Variants in LRP1B observed in about 807,000 individuals in gnomAD.
LRP1B encodes the protein LDL receptor related protein 1B.
Under a neutral mutation model 556.6 loss-of-function variants are expected in LRP1B, and 217 were observed. That is an observed-to-expected ratio of 0.39 (90% CI 0.35 to 0.44). The LOEUF (loss-of-function observed/expected upper bound fraction) is 0.44, where lower values mean the gene tolerates loss of function less well. Ranked by LOEUF, LRP1B falls within the 20% of genes least tolerant of loss-of-function variation. The pLI is 1.00. For missense variants in LRP1B, 5,053 were observed against 5,620.8 expected (o/e 0.90, Z 3.23); for synonymous variants, 2,047 against 1,865.8 (o/e 1.10, Z -2.50).
chr2:140,752,657 A>G (rs1688622524), intron 35 of LRP1B, among the ~76,000 whole-genome samples: 1 of 152,192 alleles, frequency 6.6e-6, no homozygotes, highest in Non-Finnish European at 1.5e-5. Context: ...GTATCTTTAT[A>G]TATGTATTTG....
intron 1 of LRP1B, among the ~76,000 whole-genome samples, chr2:142,029,622 T>C (rs1703618619): frequency 6.6e-6 from 1 of 151,914 alleles, no homozygotes; most frequent in Non-Finnish European, 1.5e-5. Context: ...ATCTGTCTCT[T>C]ATTCCAGAGC....
At chr2:140,491,827 G>A (rs755369716) in intron 57 of LRP1B, among the ~76,000 whole-genome samples, 12 of 152,116 alleles carry the variant, frequency 7.9e-5, no homozygotes, top group Non-Finnish European at 1.3e-4. Context: ...AAGAAGTAGT[G>A]TGATATGGTG....
At chr2:142,101,281 TA>T (rs1384202507) in intron 1 of LRP1B, among the ~76,000 whole-genome samples, 1 of 151,888 alleles carries the variant, frequency 6.6e-6, no homozygotes, top group African/African-American at 2.4e-5. Flanking sequence ...ATTCACATAG[TA>T]AAAAAAGTTA....
At chr2:141,482,497 CAT>C (rs938193736) in intron 2 of LRP1B, among the ~76,000 whole-genome samples, 7 of 151,726 alleles carry the variant, frequency 4.6e-5, no homozygotes, top group East Asian at 1.9e-4. Flanking sequence ...TCTTTATTTC[CAT>C]ATATATATGT....
chr2:141,740,075 T>C (rs112602664), intron 2 of LRP1B, among the ~76,000 whole-genome samples: 14 of 152,258 alleles, frequency 9.2e-5, no homozygotes, highest in African/African-American at 3.4e-4. Flanking sequence ...GAGGGAATTT[T>C]AGCTACTCAA....
chr2:140,701,675 A>AAT (rs1298304043), intron 40 of LRP1B, 46 bp downstream of exon 40: 4 of 1,538,558 alleles, frequency 2.6e-6, no homozygotes, highest in African/African-American at 1.4e-5. Context: ...ATTGGAGAGA[A>AAT]ATCACATAAA....
chr2:141,958,817 G>A (rs1020604972), intron 1 of LRP1B, among the ~76,000 whole-genome samples: 2 of 151,930 alleles, frequency 1.3e-5, no homozygotes, highest in African/African-American at 2.4e-5. Context: ...CTGGTGTAAG[G>A]AAAACCCTGC....
intron 2 of LRP1B, among the ~76,000 whole-genome samples, chr2:141,582,613 A>AT (rs5834845): frequency 0.16 from 24,017 of 149,358 alleles, 2,660 homozygotes; most frequent in African/African-American, 0.31. Flanking sequence ...GTATTTGAAG[A>AT]TTTTTTTTTT....
chr2:141,325,881 G>C (rs1021208663), intron 3 of LRP1B, among the ~76,000 whole-genome samples: 2 of 152,084 alleles, frequency 1.3e-5, no homozygotes, highest in Non-Finnish European at 2.9e-5. Context: ...TCACTGGATT[G>C]ATAGTCTGTG....
chr2:140,265,074 G>A (rs555690478), intron 86 of LRP1B, among the ~76,000 whole-genome samples: 7 of 151,736 alleles, frequency 4.6e-5, no homozygotes, highest in African/African-American at 1.7e-4. Context: ...ATATTGCTGA[G>A]AAGTAATGCT....
intron 62 of LRP1B, among the ~76,000 whole-genome samples, chr2:140,455,596 T>C (rs1049696039): frequency 6.6e-6 from 1 of 152,170 alleles, no homozygotes; most frequent in Admixed American, 6.6e-5. Context: ...AAAGTTCTAA[T>C]TGTTGTTATT....
At chr2:140,348,695 G>C (rs1012518103) in intron 77 of LRP1B, among the ~76,000 whole-genome samples, 4 of 151,904 alleles carry the variant, frequency 2.6e-5, no homozygotes, top group African/African-American at 9.7e-5. Context: ...GGATATGAAA[G>C]ATTCTATAAC....
intron 1 of LRP1B, among the ~76,000 whole-genome samples, chr2:142,028,357 A>G (rs549707706): frequency 3.7e-4 from 56 of 151,942 alleles, no homozygotes; most frequent in Middle Eastern, 3.4e-3. Flanking sequence ...ACTACCTCCA[A>G]CCCTTGCAAA....
chr2:141,385,752 TAC>T (rs1241930693), intron 3 of LRP1B, among the ~76,000 whole-genome samples: 2 of 152,176 alleles, frequency 1.3e-5, no homozygotes, highest in African/African-American at 2.4e-5. Flanking sequence ...TAAAAAGGAA[TAC>T]AGTGTACAGA....
At chr2:140,770,031 A>G (rs1436275895) in intron 34 of LRP1B, among the ~76,000 whole-genome samples, 2 of 151,828 alleles carry the variant, frequency 1.3e-5, no homozygotes, top group Non-Finnish European at 2.9e-5. Flanking sequence ...AAATATTTAT[A>G]TTTTTTTCTT....
At chr2:141,801,921 T>C (rs1389919966) in intron 2 of LRP1B, among the ~76,000 whole-genome samples, 3 of 152,110 alleles carry the variant, frequency 2.0e-5, no homozygotes, top group Non-Finnish European at 4.4e-5. Context: ...GTGGAATTTG[T>C]CTGGTAGGGC....
At chr2:140,974,689 T>G (rs1217259932) in intron 18 of LRP1B, among the ~76,000 whole-genome samples, 3 of 152,182 alleles carry the variant, frequency 2.0e-5, no homozygotes, top group Non-Finnish European at 4.4e-5. Context: ...GATTCTTTCT[T>G]TCGCCATGGC....
intron 23 of LRP1B, among the ~76,000 whole-genome samples, chr2:140,889,446 C>T (rs534294460): frequency 6.6e-6 from 1 of 152,274 alleles, no homozygotes; most frequent in Admixed American, 6.5e-5. Context: ...CAGGCATGTG[C>T]TACCATACCC....
intron 43 of LRP1B, among the ~76,000 whole-genome samples, chr2:140,572,170 T>C (rs1444849580): frequency 6.6e-6 from 1 of 151,704 alleles, no homozygotes. Context: ...AAAAAGCTTC[T>C]GCACAGCAAA....
Sources: gnomAD v4.1 joint callset for allele counts (sites outside exome capture counted in the v4.1 genomes callset) on GRCh38, gnomAD v4.1.1 for gene constraint, MANE v1.5 for transcripts, NCBI Gene and HGNC (gene_info 2026-07-23, HGNC 2026-07-21) for gene names.